The following PTPRD variants were observed in gnomAD, a reference collection of about 807,000 sequenced individuals.
PTPRD encodes the protein protein tyrosine phosphatase receptor type D, also known as receptor-type tyrosine-protein phosphatase delta.
Under a neutral mutation model 214.5 loss-of-function variants are expected in PTPRD, and 34 were observed. That is an observed-to-expected ratio of 0.16 (90% CI 0.12 to 0.21). PTPRD has a LOEUF of 0.21. Among genes scored for constraint, PTPRD ranks in the 10% least tolerant of loss-of-function variants. PTPRD has a pLI of 1.00. For missense variants in PTPRD, 2,545 were observed against 2,398.7 expected (o/e 1.06, Z -1.27); for synonymous variants, 1,128 against 845.7 (o/e 1.33, Z -5.79).
At chr9:10,349,617 G>A (rs1044336798) in intron 2 of PTPRD, among the ~76,000 whole-genome samples, 1 of 152,068 alleles carries the variant, frequency 6.6e-6, no homozygotes, top group Admixed American at 6.6e-5. Flanking sequence ...AATTTTGACT[G>A]TGTGAATACA....
chr9:10,404,564 A>AACAATTAACTGGCTATCGGCATATAAC (rs1565821281), intron 2 of PTPRD, among the ~76,000 whole-genome samples: 14 of 51,580 alleles, frequency 2.7e-4, no homozygotes, highest in South Asian at 1.7e-3. Flanking sequence ...AACTTAAGCC[A>AACAATTAACTGGCTATCGGCATATAAC]TGTTGGTGAC....
chr9:9,622,466 A>T (rs1012854302), intron 7 of PTPRD, among the ~76,000 whole-genome samples: 4 of 152,212 alleles, frequency 2.6e-5, no homozygotes, highest in African/African-American at 9.6e-5. Context: ...GTATTGTACA[A>T]ATAAAATGTT....
chr9:10,084,272 T>A (rs115988410), intron 3 of PTPRD, among the ~76,000 whole-genome samples: 1,578 of 152,124 alleles, frequency 0.01, 21 homozygotes, highest in African/African-American at 0.036. Flanking sequence ...TTTAAAATTT[T>A]GTTTCTCCAA....
intron 14 of PTPRD, among the ~76,000 whole-genome samples, chr9:8,537,238 G>A (rs1442938572): frequency 1.3e-5 from 2 of 151,826 alleles, no homozygotes; most frequent in African/African-American, 4.8e-5. Context: ...GGGCTCTTGG[G>A]CCATTATCGA....
intron 9 of PTPRD, among the ~76,000 whole-genome samples, chr9:9,352,562 C>G (rs964057338): frequency 6.6e-6 from 1 of 151,748 alleles, no homozygotes; most frequent in Non-Finnish European, 1.5e-5. Context: ...ACTCTGTTGC[C>G]TTCACACAAA....
At chr9:10,487,972 C>CTCTCTCTCTCTG (rs2099143844) in intron 2 of PTPRD, among the ~76,000 whole-genome samples, 1 of 107,288 alleles carries the variant, frequency 9.3e-6, no homozygotes, top group Non-Finnish European at 2.2e-5. Context: ...CACAGTCTCT[C>CTCTCTCTCTCTG]TCTCTCTCTC....
chr9:9,196,133 A>T (rs2099938464), intron 9 of PTPRD, among the ~76,000 whole-genome samples: 1 of 152,174 alleles, frequency 6.6e-6, no homozygotes, highest in African/African-American at 2.4e-5. Context: ...ATGAAAGATA[A>T]GAGAATTATC....
chr9:9,779,169 T>A (rs1438016259), intron 5 of PTPRD, among the ~76,000 whole-genome samples: 1 of 145,342 alleles, frequency 6.9e-6, no homozygotes, highest in Non-Finnish European at 1.5e-5. Flanking sequence ...AGAATGAAAT[T>A]AGGGTCTCAC....
At chr9:10,555,018 T>A (rs1483694003) in intron 2 of PTPRD, among the ~76,000 whole-genome samples, 1 of 152,186 alleles carries the variant, frequency 6.6e-6, no homozygotes, top group Non-Finnish European at 1.5e-5. Flanking sequence ...AGAGTAGTGA[T>A]TAAATTGCCA....
intron 2 of PTPRD, among the ~76,000 whole-genome samples, chr9:10,444,706 C>CAA (rs146406785): frequency 6.8e-6 from 1 of 146,874 alleles, no homozygotes. Flanking sequence ...ATAACAAAGA[C>CAA]AAAAAAAAAG....
chr9:9,292,851 T>C (rs766973048), intron 9 of PTPRD, among the ~76,000 whole-genome samples: 2 of 151,402 alleles, frequency 1.3e-5, no homozygotes, highest in Admixed American at 6.6e-5. Flanking sequence ...GCTTTTTTGT[T>C]TGTTTGTTTG....
At chr9:9,388,644 A>G (rs1586819448) in intron 9 of PTPRD, among the ~76,000 whole-genome samples, 2 of 152,188 alleles carry the variant, frequency 1.3e-5, no homozygotes, top group East Asian at 3.9e-4. Flanking sequence ...ACATGACTAA[A>G]AAAACAGATT....
At chr9:10,384,246 C>T (rs1327256981) in intron 2 of PTPRD, among the ~76,000 whole-genome samples, 1 of 151,580 alleles carries the variant, frequency 6.6e-6, no homozygotes, top group South Asian at 2.1e-4. Context: ...ATGATGTGAA[C>T]AGTATGCATT....
intron 9 of PTPRD, among the ~76,000 whole-genome samples, chr9:9,320,534 T>G (rs917257402): frequency 6.6e-6 from 1 of 152,142 alleles, no homozygotes; most frequent in Non-Finnish European, 1.5e-5. Flanking sequence ...ACACTTCACT[T>G]ACATCTGTAG....
chr9:9,454,498 C>T (rs181857393), intron 8 of PTPRD, among the ~76,000 whole-genome samples: 1 of 151,890 alleles, frequency 6.6e-6, no homozygotes, highest in East Asian at 1.9e-4. Flanking sequence ...AACTCTAGTA[C>T]AATTACACTG....
At chr9:9,777,777 GGTTT>G (rs1226992461) in intron 5 of PTPRD, among the ~76,000 whole-genome samples, 2 of 152,172 alleles carry the variant, frequency 1.3e-5, no homozygotes, top group Non-Finnish European at 2.9e-5. Flanking sequence ...AGGTTTTAAT[GGTTT>G]TTTTTGTAAA....
intron 27 of PTPRD, among the ~76,000 whole-genome samples, chr9:8,490,556 A>G (rs1318539226): frequency 6.6e-6 from 1 of 152,234 alleles, no homozygotes; most frequent in African/African-American, 2.4e-5. Context: ...TCATGTAAAA[A>G]TATACAGAAA....
intron 3 of PTPRD, among the ~76,000 whole-genome samples, chr9:10,158,450 G>A (rs1343571024): frequency 6.6e-6 from 1 of 152,132 alleles, no homozygotes; most frequent in African/African-American, 2.4e-5. Flanking sequence ...TTAATACACT[G>A]TTGGATTTGG....
chr9:8,665,349 T>G (rs1183972842), intron 12 of PTPRD, among the ~76,000 whole-genome samples: 1 of 152,054 alleles, frequency 6.6e-6, no homozygotes, highest in Non-Finnish European at 1.5e-5. Flanking sequence ...CACTGGGGAG[T>G]AGCATGATGT....
Sources: gnomAD v4.1 joint callset for allele counts (sites outside exome capture counted in the v4.1 genomes callset) on GRCh38, gnomAD v4.1.1 for gene constraint, MANE v1.5 for transcripts, NCBI Gene and HGNC (gene_info 2026-07-23, HGNC 2026-07-21) for gene names.